TNRC18: variants seen among roughly 807,000 people sequenced by gnomAD.
The protein encoded by TNRC18 is trinucleotide repeat containing 18.
TNRC18 carries 69 observed loss-of-function variants against 226.7 expected under a neutral mutation model. The ratio of observed to expected loss-of-function variants is 0.30; its 90% CI spans 0.25 to 0.37. The LOEUF (loss-of-function observed/expected upper bound fraction) is 0.37, where lower values mean the gene tolerates loss of function less well. Ranked by LOEUF, TNRC18 falls within the 10% of genes least tolerant of loss-of-function variation. TNRC18 has a pLI of 1.00. For synonymous variants in TNRC18, 2,449 were observed against 1,927.6 expected, an observed-to-expected ratio of 1.27 and a Z score of -7.09; for missense variants, 4,754 against 4,256.6, an observed-to-expected ratio of 1.12 and a Z score of -3.25.
chr7:5,344,747 T>C (rs899537345), intron 18 of TNRC18, among the ~76,000 whole-genome samples: 11 of 152,192 alleles, frequency 7.2e-5, no homozygotes, highest in Middle Eastern at 3.4e-3. Flanking sequence ...CCTGAACACA[T>C]GCATGACCAT....
intron 2 of TNRC18, among the ~76,000 whole-genome samples, chr7:5,418,481 G>C (rs1264008783): frequency 6.6e-6 from 1 of 152,026 alleles, no homozygotes; most frequent in Admixed American, 6.6e-5. Context: ...TTTCTCCGAG[G>C]GCCCCTCCAG....
chr7:5,415,168 G>C (rs1218517093), intron 2 of TNRC18, among the ~76,000 whole-genome samples: 1 of 151,724 alleles, frequency 6.6e-6, no homozygotes, highest in Non-Finnish European at 1.5e-5. Flanking sequence ...ACCAGCTCCA[G>C]CCATTCTGCC....
intron 3 of TNRC18, among the ~76,000 whole-genome samples, chr7:5,391,663 AAAG>A (rs575222552): frequency 5.5e-5 from 8 of 145,844 alleles, no homozygotes; most frequent in Middle Eastern, 3.5e-3. Flanking sequence ...CAGGACAAAG[AAAG>A]AAGGGGTAGC....
At chr7:5,406,410 C>A (rs1414395547) in intron 2 of TNRC18, among the ~76,000 whole-genome samples, 3 of 152,024 alleles carry the variant, frequency 2.0e-5, no homozygotes, top group Non-Finnish European at 2.9e-5. Context: ...TGCAGTGAGC[C>A]GAGATTGCGC....
At chr7:5,395,152 G>C (rs12533163) in intron 2 of TNRC18, among the ~76,000 whole-genome samples, 53,966 of 152,136 alleles carry the variant, frequency 0.35, 11,256 homozygotes, top group Non-Finnish European at 0.47. Context: ...TCAGAGATGG[G>C]AAGTGCCAGG....
intron 5 of TNRC18, among the ~76,000 whole-genome samples, chr7:5,384,869 G>A (rs1233073113): frequency 6.6e-6 from 1 of 152,248 alleles, no homozygotes; most frequent in Non-Finnish European, 1.5e-5. Context: ...ACACAGAGCA[G>A]TGTGTTCATT....
At chr7:5,410,584 G>T (rs1262777966) in intron 2 of TNRC18, among the ~76,000 whole-genome samples, 4 of 151,990 alleles carry the variant, frequency 2.6e-5, no homozygotes, top group Admixed American at 6.6e-5. Context: ...CAATAACCGT[G>T]GCCAGGCGGA....
Position 5,374,171 on chromosome 7 carries a change from GAGGCGGGCGGCGGGCTGGTGGGGT to G in TNRC18, c.3089_3112del (p.His1030_Ser1038delinsPro). The G allele has an allele frequency of 1.4e-6, 2 of 1,443,874 alleles. No individual in the cohort carries two copies. The highest frequency in any genetic ancestry group is 1.8e-6 in the Non-Finnish European group (2 of 1,099,354). 89.4% of individuals were successfully genotyped at this position (1,443,874 alleles called of 1,614,324 possible). A position where few individuals can be genotyped will look rare whatever the true frequency, so the allele number is the denominator to read the frequency against. On this transcript the variant is annotated inframe_deletion, in exon 10 of 30. Coordinates refer to ENST00000430969, the MANE Select transcript of TNRC18 (RefSeq NM_001080495.3). ...GGTGATACCCGGGGTGGGCGGTGGG[GAGGCGGGCGGCGGGCTGGTGGGGT>G]GGGAGCTGGGGGTGGCGGGGTAGGC...
At position 5,389,277 on chromosome 7, in the gene TNRC18, C is replaced by T; in HGVS notation, c.547G>A (p.Ala183Thr). 1 of 1,296,424 alleles carries T rather than the reference C, an allele frequency of 7.7e-7. No individual in the cohort carries two copies. Among genetic ancestry groups the T allele is most frequent in the South Asian group, 2.4e-5 (1 of 42,450 alleles). The allele number at this position is 1,296,424 out of a possible 1,614,324, so 80.3% of individuals were successfully genotyped here. A position where few individuals can be genotyped will look rare whatever the true frequency, so the allele number is the denominator to read the frequency against. The change falls in exon 5 of 30, where the codon GCC (alanine) becomes ACC (threonine). Residue 183 changes from alanine to threonine, a missense_variant. Transcript: ENST00000430969. ...PGSLHSHAPSARTPGGGHSSG... is the reference protein window; with the variant it reads ...PGSLHSHAPSTRTPGGGHSSG... ...GAGTGGCCGCCGCCAGGGGTCCGGGCCGAGGGCGCGTGAGAGTGCAGGGAG... is the reference window on the plus strand; with the variant it reads ...GAGTGGCCGCCGCCAGGGGTCCGGGTCGAGGGCGCGTGAGAGTGCAGGGAG...
At chr7:5,383,669 G>A (rs1027255582) in intron 5 of TNRC18, among the ~76,000 whole-genome samples, 1 of 152,170 alleles carries the variant, frequency 6.6e-6, no homozygotes, top group Non-Finnish European at 1.5e-5. Context: ...AGACACAGGC[G>A]TCCCAGGGCG....
chr7:5,341,206 T>G (rs534123441), intron 18 of TNRC18, among the ~76,000 whole-genome samples: 35 of 141,852 alleles, frequency 2.5e-4, no homozygotes, highest in African/African-American at 8.7e-4. Context: ...TGTCAGGAGA[T>G]GGAGACCATC....
chr7:5,409,746 G>A (rs1781717154), intron 2 of TNRC18, among the ~76,000 whole-genome samples: 1 of 150,954 alleles, frequency 6.6e-6, no homozygotes, highest in East Asian at 2.0e-4. Context: ...GGAGGCCGAG[G>A]CGGGTGGATC....
At chr7:5,381,081 G>A (rs965620752) in intron 5 of TNRC18, among the ~76,000 whole-genome samples, 2 of 151,984 alleles carry the variant, frequency 1.3e-5, no homozygotes, top group African/African-American at 4.8e-5. Context: ...CATCCCAAGC[G>A]CCACCTGCCA....
At chr7:5,362,273 G>A (rs903334143) in intron 12 of TNRC18, among the ~76,000 whole-genome samples, 4 of 152,136 alleles carry the variant, frequency 2.6e-5, no homozygotes, top group Non-Finnish European at 4.4e-5. Context: ...CAGTGCTTGC[G>A]TGTGACACCT....
At chr7:5,382,218 G>A (rs1353453338) in intron 5 of TNRC18, among the ~76,000 whole-genome samples, 1 of 152,154 alleles carries the variant, frequency 6.6e-6, no homozygotes, top group African/African-American at 2.4e-5. Context: ...TGTGATCAGC[G>A]TCCAAGTCGG....
At chr7:5,416,521 G>A (rs1584128852) in intron 2 of TNRC18, among the ~76,000 whole-genome samples, 1 of 152,150 alleles carries the variant, frequency 6.6e-6, no homozygotes, top group South Asian at 2.1e-4. Flanking sequence ...AGGAGTTTGA[G>A]ACCAGCTGGA....
In TNRC18 at chr7:5,313,714, G is replaced by C. The variant is rs1439509789; in HGVS notation, c.7177C>G (p.Pro2393Ala). 6.3e-7 allele frequency: 1 copy of C among 1,587,592 alleles called. No individual in the cohort carries two copies. Among genetic ancestry groups the C allele is most frequent in the Admixed American group, 1.8e-5 (1 of 56,824 alleles). The change falls in exon 27 of 30, where the codon CCG (proline) becomes GCG (alanine). Residue 2393 changes from proline to alanine, a missense_variant. Pro to Ala is a conservative substitution (Grantham distance 27). Transcript: ENST00000430969. ...GGTGGTGCGGGACTGGGCTGCGGCG[G>C]TGCCGGGCGCGCCTTGGGGGCCTTG... The part of the protein sequence containing the change: ...RAKAPKARPA[P>A]PQPSPAPPAF...
chr7:5,345,735 A>T lies in TNRC18; in HGVS notation c.5546T>A (p.Leu1849Gln). 6.5e-7 allele frequency: 1 copy of T among 1,548,572 alleles called. No homozygotes were observed. Among genetic ancestry groups the T allele is most frequent in the South Asian group, 1.2e-5 (1 of 84,040 alleles). The stretch of plus-strand genomic sequence containing the variant: ...TGACAGGGCCCGCTCCCGGGCACCC[A>T]GCCTGTAGCCACCACCGCTGGCCTC... ...EDEASGGGYRLGARERALSPG... is the reference protein window; with the variant it reads ...EDEASGGGYRQGARERALSPG... Residue 1849 changes from leucine (L) to glutamine (Q), a missense_variant, in exon 18 of 30, where the codon CTG (leucine) becomes CAG (glutamine). Coordinates refer to ENST00000430969, the MANE Select transcript of TNRC18 (RefSeq NM_001080495.3).
intron 5 of TNRC18, 31 bp from the exon 6 acceptor site, chr7:5,378,055 A>G: frequency 1.3e-6 from 2 of 1,583,514 alleles, no homozygotes; most frequent in Non-Finnish European, 1.7e-6. Context: ...GTGAGCCCCC[A>G]GCCAGCACCG....
Sources: allele counts gnomAD v4.1 joint callset (sites outside exome capture counted in the v4.1 genomes callset), GRCh38; gene constraint gnomAD v4.1.1; transcripts MANE v1.5; gene names NCBI Gene and HGNC (gene_info 2026-07-23, HGNC 2026-07-21).